GABRB1: variants seen among roughly 807,000 people sequenced by gnomAD.
GABRB1 encodes the protein gamma-aminobutyric acid type A receptor subunit beta1, also known as gamma-aminobutyric acid receptor subunit beta-1.
In GABRB1, 17 loss-of-function variants were observed where a neutral mutation model predicts 51.6. The observed-to-expected ratio is 0.33, with a 90% CI of 0.23 to 0.49. GABRB1 has a LOEUF of 0.49. Ranked by LOEUF, GABRB1 falls within the 20% of genes least tolerant of loss-of-function variation. GABRB1 has a pLI of 0.99. For missense variants in GABRB1, 410 were observed against 600.6 expected (o/e 0.68, Z 3.32); for synonymous variants, 247 against 218.9 (o/e 1.13, Z -1.14).
At chr4:47,328,961 G>A (rs2109972650) in intron 5 of GABRB1, among the ~76,000 whole-genome samples, 1 of 151,782 alleles carries the variant, frequency 6.6e-6, no homozygotes, top group East Asian at 1.9e-4. Flanking sequence ...GTTATAAAAT[G>A]GCCTAGCTTA....
At chr4:47,160,753 A>ATTATTTAT (rs3050706) in intron 3 of GABRB1, among the ~76,000 whole-genome samples, 1 of 147,824 alleles carries the variant, frequency 6.8e-6, no homozygotes, top group African/African-American at 2.5e-5. Context: ...TAGTACTTTT[A>ATTATTTAT]TTATTTATTT....
chr4:47,044,838 C>T (rs542752515), intron 3 of GABRB1, among the ~76,000 whole-genome samples: 3 of 141,088 alleles, frequency 2.1e-5, no homozygotes, highest in African/African-American at 4.9e-5. Flanking sequence ...TGAGAACTGA[C>T]AATAAAAATC....
chr4:47,293,186 T>C (rs952027641), intron 4 of GABRB1, among the ~76,000 whole-genome samples: 4 of 152,170 alleles, frequency 2.6e-5, no homozygotes, highest in Non-Finnish European at 5.9e-5. Context: ...TTGTCGCCCA[T>C]GCTGGAGTGC....
At chr4:47,056,970 G>C (rs1215785350) in intron 3 of GABRB1, among the ~76,000 whole-genome samples, 1 of 152,114 alleles carries the variant, frequency 6.6e-6, no homozygotes, top group Admixed American at 6.5e-5. Context: ...GCTGGGCATG[G>C]TGGCATGCCC....
chr4:47,064,115 C>A (rs1726956500), intron 3 of GABRB1, among the ~76,000 whole-genome samples: 1 of 152,098 alleles, frequency 6.6e-6, no homozygotes, highest in Admixed American at 6.5e-5. Flanking sequence ...GAACCCTTCC[C>A]AGGGCCTTTG....
intron 8 of GABRB1, among the ~76,000 whole-genome samples, chr4:47,419,733 G>GT (rs1321187685): frequency 6.6e-6 from 1 of 152,164 alleles, no homozygotes; most frequent in African/African-American, 2.4e-5. Flanking sequence ...GAATAAATGA[G>GT]TGAGTGAATG....
intron 5 of GABRB1, among the ~76,000 whole-genome samples, chr4:47,367,557 C>T (rs548112935): frequency 3.9e-5 from 6 of 152,210 alleles, no homozygotes; most frequent in African/African-American, 1.4e-4. Flanking sequence ...CAAAAGGAAC[C>T]AACAAATGAC....
chr4:47,036,533 A>G (rs1333204555), intron 3 of GABRB1, among the ~76,000 whole-genome samples: 3 of 152,206 alleles, frequency 2.0e-5, no homozygotes, highest in Non-Finnish European at 4.4e-5. Flanking sequence ...TGCACTTTGA[A>G]TATCAAGGTA....
chr4:47,321,014 G>C (rs1316476182), intron 5 of GABRB1, among the ~76,000 whole-genome samples: 1 of 152,090 alleles, frequency 6.6e-6, no homozygotes, highest in Non-Finnish European at 1.5e-5. Context: ...AAATATTTTA[G>C]TCATGAAGAT....
At chr4:47,315,749 C>A (rs116412927) in intron 4 of GABRB1, among the ~76,000 whole-genome samples, 3,884 of 151,852 alleles carry the variant, frequency 0.026, 199 homozygotes, top group African/African-American at 0.088. Context: ...ATGGAGGTGG[C>A]AGCCGTTAGC....
At chr4:47,314,410 T>C (rs1724811306) in intron 4 of GABRB1, among the ~76,000 whole-genome samples, 1 of 152,028 alleles carries the variant, frequency 6.6e-6, no homozygotes, top group Non-Finnish European at 1.5e-5. Flanking sequence ...CTATTGTAAT[T>C]CACAATTCTG....
At chr4:47,370,920 AT>A (rs113505913) in intron 5 of GABRB1, among the ~76,000 whole-genome samples, 79,395 of 150,864 alleles carry the variant, frequency 0.53, 21,291 homozygotes, top group African/African-American at 0.58. Context: ...CTACCACTTT[AT>A]TTTTTTTTTC....
chr4:47,369,619 T>C (rs1727117179), intron 5 of GABRB1, among the ~76,000 whole-genome samples: 1 of 152,228 alleles, frequency 6.6e-6, no homozygotes, highest in Admixed American at 6.5e-5. Flanking sequence ...ATTGCTCAAC[T>C]TAATTGTATG....
intron 5 of GABRB1, among the ~76,000 whole-genome samples, chr4:47,354,985 T>TTTTTTTG (rs1726505727): frequency 1.2e-5 from 1 of 86,754 alleles, no homozygotes; most frequent in African/African-American, 4.2e-5. Context: ...CCTTTGTTTT[T>TTTTTTTG]TTTTTTTTTT....
intron 3 of GABRB1, among the ~76,000 whole-genome samples, chr4:47,078,908 A>T (rs1727695240): frequency 6.6e-6 from 1 of 152,196 alleles, no homozygotes. Context: ...CAGCTTAGAA[A>T]GAGGCTTGGC....
chr4:47,219,449 G>A (rs559995411), intron 4 of GABRB1, among the ~76,000 whole-genome samples: 1 of 151,900 alleles, frequency 6.6e-6, no homozygotes, highest in Non-Finnish European at 1.5e-5. Context: ...TTATTATTTT[G>A]TATTCTTCTA....
intron 5 of GABRB1, among the ~76,000 whole-genome samples, chr4:47,401,787 T>C (rs2110049505): frequency 6.6e-6 from 1 of 151,906 alleles, no homozygotes; most frequent in South Asian, 2.1e-4. Flanking sequence ...TCTCCTGAAA[T>C]TGCCATCAAA....
At chr4:47,296,477 G>A (rs1010415416) in intron 4 of GABRB1, among the ~76,000 whole-genome samples, 1 of 152,092 alleles carries the variant, frequency 6.6e-6, no homozygotes, top group African/African-American at 2.4e-5. Flanking sequence ...TGATAAAACA[G>A]ACTTTAAACC....
chr4:47,047,492 AT>A (rs1726151330), intron 3 of GABRB1, among the ~76,000 whole-genome samples: 1 of 152,152 alleles, frequency 6.6e-6, no homozygotes, highest in African/African-American at 2.4e-5. Flanking sequence ...TAGAGCTGTG[AT>A]TTGAACCTAG....
Sources: allele counts gnomAD v4.1 joint callset (sites outside exome capture counted in the v4.1 genomes callset), GRCh38; gene constraint gnomAD v4.1.1; transcripts MANE v1.5; gene names NCBI Gene and HGNC (gene_info 2026-07-23, HGNC 2026-07-21).